CNTNAP3: variants seen among roughly 807,000 people sequenced by gnomAD.
CNTNAP3 encodes the protein contactin-associated protein-like 3.
Under a neutral mutation model 92.1 loss-of-function variants are expected in CNTNAP3, and 36 were observed. The ratio of observed to expected loss-of-function variants is 0.39; its 90% CI spans 0.30 to 0.52. The LOEUF is 0.52. Ranked by LOEUF, CNTNAP3 falls within the 20% of genes least tolerant of loss-of-function variation. CNTNAP3 has a pLI of 0.76. For synonymous variants in CNTNAP3, 232 were observed against 422.3 expected, an observed-to-expected ratio of 0.55 and a Z score of 5.53; for missense variants, 534 against 1,069.6, an observed-to-expected ratio of 0.50 and a Z score of 6.98.
intron 13 of CNTNAP3, among the ~76,000 whole-genome samples, chr9:39,124,079 T>C (rs1186261852): frequency 6.6e-6 from 1 of 152,020 alleles, no homozygotes; most frequent in Non-Finnish European, 1.5e-5. Context: ...TAAATAATAC[T>C]AACAATGTAT....
In CNTNAP3 at chr9:39,101,159, A is replaced by G. The variant is rs1407528198; in HGVS notation, c.2756-1009T>C. On this transcript the variant is annotated intron_variant, in intron 17 of 23. Transcript: ENST00000297668. ...TCCTTTCCAGTAGTTTGATGGTTTC[A>G]TGTCCTTTGAAAAAGCCTCACTGCA... 5.4e-5 allele frequency among the ~76,000 whole-genome samples: 8 copies of G among 148,518 alleles called. No homozygotes were observed. In the East Asian group the frequency reaches 1.7e-3, roughly 31 times the overall value.
chr9:39,107,554 T>A (rs1416072448), intron 15 of CNTNAP3, among the ~76,000 whole-genome samples: 8 of 151,964 alleles, frequency 5.3e-5, no homozygotes. Context: ...ACAGAAAAGA[T>A]GATTTTTAAG....
intron 15 of CNTNAP3, among the ~76,000 whole-genome samples, chr9:39,108,278 C>CCA (rs993788767): frequency 1.3e-5 from 2 of 152,082 alleles, no homozygotes; most frequent in African/African-American, 4.8e-5. Context: ...CCGGTCCCCC[C>CCA]CCTCTCTGGG....
intron 15 of CNTNAP3, among the ~76,000 whole-genome samples, chr9:39,105,513 A>G (rs1826583602): frequency 6.6e-6 from 1 of 152,204 alleles, no homozygotes; most frequent in Non-Finnish European, 1.5e-5. Context: ...CCATTGGTTT[A>G]TTCACATCAC....
intron 10 of CNTNAP3, among the ~76,000 whole-genome samples, chr9:39,148,670 C>T (rs1281100662): frequency 6.6e-6 from 1 of 151,836 alleles, no homozygotes; most frequent in Admixed American, 6.6e-5. Context: ...GAACTACAGG[C>T]GCCCGCCACC....
chr9:39,234,347 G>T (rs551760611), intron 3 of CNTNAP3, among the ~76,000 whole-genome samples: 248 of 24,686 alleles, frequency 0.01, 84 homozygotes, highest in African/African-American at 0.017. Flanking sequence ...GACATGGTTA[G>T]GTGGATTTCT....
intron 15 of CNTNAP3, among the ~76,000 whole-genome samples, chr9:39,105,045 T>C (rs1193219105): frequency 6.6e-6 from 1 of 152,222 alleles, no homozygotes; most frequent in Non-Finnish European, 1.5e-5. Flanking sequence ...TGGCTCCTGA[T>C]TGAATTTTTA....
rs937312100 is a variant in CNTNAP3 at position 39,066,271 on chromosome 9, T to C, written c.*7619A>G. Among the ~76,000 whole-genome samples the C allele has an allele frequency of 2.0e-5, 3 of 152,198 alleles. No individual in the cohort carries two copies. The highest frequency in any genetic ancestry group is 4.4e-5 in the Non-Finnish European group (3 of 68,022). On this transcript the variant is annotated 3_prime_UTR_variant, in exon 24 of 24. Transcript: ENST00000297668. ...TAAGAACCTTACAAACTAAACTATA[T>C]TTCCATTTACTCTAGGTTATTGTTG...
intron 15 of CNTNAP3, among the ~76,000 whole-genome samples, chr9:39,105,840 T>C (rs1400467467): frequency 1.4e-5 from 2 of 147,946 alleles, no homozygotes; most frequent in Non-Finnish European, 3.0e-5. Context: ...CTAGGAAATA[T>C]GTGTATTTGT....
intron 14 of CNTNAP3, among the ~76,000 whole-genome samples, chr9:39,111,199 T>C (rs541107006): frequency 1.6e-4 from 25 of 151,948 alleles, no homozygotes; most frequent in African/African-American, 5.8e-4. Context: ...AATTCTCTTC[T>C]GGCTATTTTG....
chr9:39,078,754 G>C lies in CNTNAP3; in HGVS notation c.3609C>G (p.Cys1203Trp). 1 of 1,489,302 alleles carries C rather than the reference G, an allele frequency of 6.7e-7. No individual in the cohort carries two copies. The highest frequency in any genetic ancestry group is 2.5e-5 in the East Asian group (1 of 40,472). 92.3% of individuals were successfully genotyped at this position (1,489,302 alleles called of 1,614,324 possible). Residue 1203 changes from cysteine to tryptophan, a missense_variant, in exon 22 of 24, where the codon TGC (cysteine) becomes TGG (tryptophan). Transcript: ENST00000297668. ...VRGHVAPMAR[C>W]AAGAASGSPA... is the part of the protein sequence containing the mutation. ...GGGAGCCGGACGCCGCCCCCGCTGC[G>C]CAGCGGGCCATAGGGGCCACGTGGC... is the stretch of plus-strand genomic sequence containing the variant.
chr9:39,087,487 T>TG (rs201401874), intron 19 of CNTNAP3, among the ~76,000 whole-genome samples: 5,021 of 146,172 alleles, frequency 0.034, 132 homozygotes, highest in East Asian at 0.12. Context: ...GGAGATTTTT[T>TG]TTTTTGTTTG....
At chr9:39,108,299 G>A (rs913895129) in intron 15 of CNTNAP3, among the ~76,000 whole-genome samples, 1 of 151,792 alleles carries the variant, frequency 6.6e-6, no homozygotes, top group Admixed American at 6.6e-5. Flanking sequence ...GAGTGAGTAC[G>A]CATCGATAGT....
rs557736548 is a variant in CNTNAP3 at position 39,101,498 on chromosome 9, C to A, written c.2755+999G>T. ...CAACAGTGATAAAACAGTAAGTAAG[C>A]AAACTAAAGGAAAGACTTCCAGAGC... On this transcript the variant is annotated intron_variant, in intron 17 of 23. Transcript: ENST00000297668. Among the ~76,000 whole-genome samples the A allele has an allele frequency of 2.9e-5, 4 of 140,214 alleles. No homozygotes were observed. The South Asian group carries it at 9.6e-4, about 34-fold the overall frequency. The allele number at this position is 140,214 out of a possible 152,430, so 92.0% of individuals were successfully genotyped here.
intron 18 of CNTNAP3, among the ~76,000 whole-genome samples, chr9:39,091,171 C>CTTTTTTTTTTTT (rs201329360): frequency 1.9e-4 from 25 of 128,442 alleles, no homozygotes; most frequent in African/African-American, 2.5e-4. Flanking sequence ...TTTTCTTCTT[C>CTTTTTTTTTTTT]TTTTTTTTTT....
chr9:39,112,611 G>A (rs774372569), intron 14 of CNTNAP3, among the ~76,000 whole-genome samples: 17 of 152,064 alleles, frequency 1.1e-4, no homozygotes, highest in Admixed American at 6.6e-5. Flanking sequence ...TGATCCGCCC[G>A]CCTTGGCCTC....
intron 13 of CNTNAP3, among the ~76,000 whole-genome samples, chr9:39,123,337 G>A (rs1313556926): frequency 3.3e-5 from 5 of 151,878 alleles, no homozygotes; most frequent in East Asian, 3.9e-4. Context: ...CTTGTGATCC[G>A]CCCGCCTCGG....
chr9:39,084,989 G>A (rs1826033975), intron 21 of CNTNAP3: 1 of 146,072 alleles, frequency 6.8e-6, no homozygotes, highest in Admixed American at 6.7e-5. Context: ...TCCTTTATTT[G>A]GAAGGAAACA....
rs1825593800 is a variant in CNTNAP3 at position 39,069,569 on chromosome 9, T to TAGTC, written c.*4320_*4321insGACT. ...AATGCAAAAATATAATTTTAGGTCA[T>TAGTC]AACCTATAGGCAATAAACTATGTTA... On this transcript the variant is annotated 3_prime_UTR_variant, in exon 24 of 24. Transcript: ENST00000297668. 1.3e-5 allele frequency among the ~76,000 whole-genome samples: 2 copies of TAGTC among 149,780 alleles called. 1 individual carries two copies.
Sources: gnomAD v4.1 joint callset for allele counts (sites outside exome capture counted in the v4.1 genomes callset) on GRCh38, gnomAD v4.1.1 for gene constraint, MANE v1.5 for transcripts, NCBI Gene and HGNC (gene_info 2026-07-23, HGNC 2026-07-21) for gene names.